CTDSP2: variants seen among roughly 807,000 people sequenced by gnomAD.
The protein encoded by CTDSP2 is carboxy-terminal domain RNA polymerase II polypeptide A small phosphatase 2.
CTDSP2 carries 9 observed loss-of-function variants against 31.6 expected under a neutral mutation model. The ratio of observed to expected loss-of-function variants is 0.28; its 90% confidence interval spans 0.17 to 0.50. The LOEUF is 0.50. Among genes scored for constraint, CTDSP2 ranks in the 20% least tolerant of loss-of-function variants. The pLI is 0.98. For synonymous variants in CTDSP2, 134 were observed against 134.5 expected (o/e 1.00, Z 0.03); for missense variants, 267 against 348.5 (o/e 0.77, Z 1.86).
In CTDSP2 at chr12:57,822,966, C is replaced by T. The variant is rs1027168374; in HGVS notation, c.*636G>A. On this transcript the variant is annotated 3_prime_UTR_variant, in exon 8 of 8. Coordinates refer to ENST00000398073, the MANE Select transcript of CTDSP2 (RefSeq NM_005730.4). The stretch of plus-strand genomic sequence containing the variant: ...AGCCTTGGGGAGACATAGAAAAGGC[C>T]TATCCCAGGCACTCAGCCGGAGGCA... 1.3e-5 allele frequency: 2 copies of T among 153,542 alleles called. No homozygotes were observed. Among genetic ancestry groups the T allele is most frequent in the Non-Finnish European group, 2.9e-5 (2 of 68,698 alleles). 9.5% of individuals were successfully genotyped at this position (153,542 alleles called of 1,614,324 possible).
intron 1 of CTDSP2, among the ~76,000 whole-genome samples, chr12:57,840,063 C>T (rs1266977640): frequency 6.6e-6 from 1 of 152,190 alleles, no homozygotes; most frequent in African/African-American, 2.4e-5. Flanking sequence ...AACGGGACCA[C>T]CAAGAGGAAT....
intron 1 of CTDSP2, chr12:57,842,508 T>C (rs1040555191): frequency 6.6e-6 from 1 of 152,254 alleles, no homozygotes; most frequent in Non-Finnish European, 1.5e-5. Flanking sequence ...GCAAGTCAAC[T>C]GCAAACCCCC....
Position 57,822,402 on chromosome 12 carries a change from A to G in CTDSP2, c.*1200T>C, listed in dbSNP as rs542713461. 1 of 152,316 alleles carries G rather than the reference A, an allele frequency of 6.6e-6. No individual in the cohort carries two copies. Among genetic ancestry groups the G allele is most frequent in the South Asian group, 2.1e-4 (1 of 4,814 alleles). 9.4% of individuals were successfully genotyped at this position (152,316 alleles called of 1,614,324 possible). Reference sequence around the variant, plus strand: ...CATTAGGCTGGCAAATGGCAAGAACACTCATTCCCCCTCAGCCCAGGAAGA... The same window carrying G: ...CATTAGGCTGGCAAATGGCAAGAACGCTCATTCCCCCTCAGCCCAGGAAGA... On this transcript the variant is annotated 3_prime_UTR_variant, in exon 8 of 8. Coordinates refer to ENST00000398073, the MANE Select transcript of CTDSP2 (RefSeq NM_005730.4).
intron 1 of CTDSP2, among the ~76,000 whole-genome samples, chr12:57,836,753 G>T (rs1479719240): frequency 1.3e-5 from 2 of 152,144 alleles, no homozygotes; most frequent in Non-Finnish European, 2.9e-5. Context: ...TGAAAGTCAG[G>T]TCCAGATACC....
chr12:57,835,594 T>C (rs10783850), intron 1 of CTDSP2, among the ~76,000 whole-genome samples: 42,907 of 152,142 alleles, frequency 0.28, 7,857 homozygotes, highest in East Asian at 0.74. Context: ...CCTCCTCTTC[T>C]GCCCAGATGC....
intron 5 of CTDSP2, 72 bp downstream of exon 5, chr12:57,826,274 A>ACC: frequency 7.6e-7 from 1 of 1,310,088 alleles, no homozygotes; most frequent in Non-Finnish European, 1.1e-6. Flanking sequence ...TGGGTGGAGG[A>ACC]CCCCAGTACA....
chr12:57,844,838 TTCTCAGGGCAGGCTTATTTAAAG>T (rs1956304233), intron 1 of CTDSP2, among the ~76,000 whole-genome samples: 2 of 151,736 alleles, frequency 1.3e-5, no homozygotes, highest in Admixed American at 1.3e-4. Context: ...AGGCCATCCC[TTCTCAGGGCAGGCTTATTTAAAG>T]TCCGGCCAGT....
Position 57,823,915 on chromosome 12 carries a change from G to C in CTDSP2, c.679C>G (p.Pro227Ala). The change falls in exon 7 of 8, where the codon CCC becomes GCC. Residue 227 changes from proline to alanine, a missense_variant. Physicochemically the swap from Pro to Ala is conservative, Grantham distance 27. Around this residue, in one of 2 missense-constraint regions of CTDSP2, gnomAD observed 156 missense variants for 241.3 expected, o/e 0.65. Coordinates refer to ENST00000398073, the MANE Select transcript of CTDSP2 (RefSeq NM_005730.4). ...TCAGGAGCACTCACTGCATTCTCGG[G>C]GTGGAATATGTAAGAAGCAGGCGAG... ...DNSPASYIFH[P>A]ENAVPVQSWF... is the part of the protein sequence containing the mutation. The C allele has an allele frequency of 6.2e-7, 1 of 1,614,038 alleles. No individual in the cohort carries two copies.
intron 7 of CTDSP2, 56 bp from the exon 8 acceptor site, chr12:57,823,783 C>G: frequency 4.3e-6 from 7 of 1,611,712 alleles, no homozygotes; most frequent in Non-Finnish European, 5.9e-6. Flanking sequence ...CCCTCCCTCG[C>G]CCCAGAGCCC....
At position 57,820,870 on chromosome 12, in the gene CTDSP2, T is replaced by A. The variant is rs567130480; in HGVS notation, c.*2732A>T. On this transcript the variant is annotated 3_prime_UTR_variant, in exon 8 of 8. Transcript: ENST00000398073. The stretch of plus-strand genomic sequence containing the variant: ...TAGAAGCCCAATCAGAGAGACACAC[T>A]GTGTCCCTGAAGAGGCACCTTAAAA... The A allele has an allele frequency of 4.2e-3, 633 of 152,326 alleles. 5 individuals carry two copies. Among genetic ancestry groups the A allele is most frequent in the Non-Finnish European group, 7.0e-3 (478 of 68,038 alleles). 9.4% of individuals were successfully genotyped at this position (152,326 alleles called of 1,614,324 possible). A position where few individuals can be genotyped will look rare whatever the true frequency, so the allele number is the denominator to read the frequency against.
chr12:57,823,441 C>T lies in CTDSP2; in HGVS notation c.*161G>A, dbSNP rs1008629343. On this transcript the variant is annotated 3_prime_UTR_variant, in exon 8 of 8. Transcript: ENST00000398073. Reference sequence around the variant, plus strand: ...GGGTATCATTGGTCTGGCATTCGCCCACTCGGCATCTAAGCTGTCCTAAAG... The same window carrying T: ...GGGTATCATTGGTCTGGCATTCGCCTACTCGGCATCTAAGCTGTCCTAAAG... 5.3e-6 allele frequency: 4 copies of T among 761,126 alleles called. No homozygotes were observed. Among genetic ancestry groups the T allele is most frequent in the South Asian group, 3.6e-5 (2 of 55,270 alleles). 47.1% of individuals were successfully genotyped at this position (761,126 alleles called of 1,614,324 possible). A position where few individuals can be genotyped will look rare whatever the true frequency, so the allele number is the denominator to read the frequency against.
Position 57,820,003 on chromosome 12 carries a change from C to T in CTDSP2, c.*3599G>A, listed in dbSNP as rs1335890092. 1 of 152,638 alleles carries T rather than the reference C, an allele frequency of 6.6e-6. No homozygotes were observed. Among genetic ancestry groups the T allele is most frequent in the African/African-American group, 2.4e-5 (1 of 41,452 alleles). The allele number at this position is 152,638 out of a possible 1,614,324, so 9.5% of individuals were successfully genotyped here. A position where few individuals can be genotyped will look rare whatever the true frequency, so the allele number is the denominator to read the frequency against. Reference sequence around the variant, plus strand: ...CAAATATTCCAAAAATATAAACAGACACTTAATGGCGTCCTGCATTTCAAG... The same window carrying T: ...CAAATATTCCAAAAATATAAACAGATACTTAATGGCGTCCTGCATTTCAAG... On this transcript the variant is annotated 3_prime_UTR_variant, in exon 8 of 8. Transcript: ENST00000398073.
chr12:57,834,898 G>A (rs921974526), intron 1 of CTDSP2, among the ~76,000 whole-genome samples: 24 of 152,112 alleles, frequency 1.6e-4, no homozygotes, highest in African/African-American at 5.1e-4. Flanking sequence ...CGAGGCGGGC[G>A]GATCACCTGA....
chr12:57,828,969 G>T (rs1956199366), intron 2 of CTDSP2, among the ~76,000 whole-genome samples: 1 of 152,232 alleles, frequency 6.6e-6, no homozygotes, highest in Non-Finnish European at 1.5e-5. Context: ...TGTAACTCAG[G>T]TAACTTGGAA....
chr12:57,825,516 G>GT (rs1329223380), intron 5 of CTDSP2, among the ~76,000 whole-genome samples: 13 of 152,188 alleles, frequency 8.5e-5, no homozygotes, highest in Non-Finnish European at 1.9e-4. Context: ...TTCTACAAGG[G>GT]TTTAGCACAT....
At chr12:57,836,033 T>G (rs1956245475) in intron 1 of CTDSP2, among the ~76,000 whole-genome samples, 1 of 152,146 alleles carries the variant, frequency 6.6e-6, no homozygotes, top group African/African-American at 2.4e-5. Flanking sequence ...CAAGGGGAGA[T>G]GACCACTAAA....
intron 4 of CTDSP2, 116 bp from the exon 5 acceptor site, chr12:57,826,518 G>T: frequency 1.1e-6 from 1 of 923,532 alleles, no homozygotes; most frequent in East Asian, 2.6e-5. Context: ...AAGTGCCTCT[G>T]GCCACCTCAT....
rs746850735 is a variant in CTDSP2 at position 57,823,887 on chromosome 12, G to C, written c.690+17C>G. 3 of 1,613,102 alleles carry C rather than the reference G, an allele frequency of 1.9e-6. No homozygotes were observed. The highest frequency in any genetic ancestry group is 2.5e-6 in the Non-Finnish European group (3 of 1,179,444). ...CTCTCCCAATCCCTACCGTGGAGAC[G>C]CATCAGGAGCACTCACTGCATTCTC... On this transcript the variant is annotated intron_variant, in intron 7 of 7. Coordinates refer to ENST00000398073, the MANE Select transcript of CTDSP2 (RefSeq NM_005730.4).
intron 1 of CTDSP2, among the ~76,000 whole-genome samples, chr12:57,831,168 C>T (rs1956213404): frequency 6.7e-6 from 1 of 148,790 alleles, no homozygotes; most frequent in African/African-American, 2.5e-5. Flanking sequence ...TTAAGAATAT[C>T]TTTTGTGCTG....
Sources: gnomAD v4.1 joint callset for allele counts (sites outside exome capture counted in the v4.1 genomes callset) on GRCh38, gnomAD v4.1.1 for gene constraint, gnomAD v4.1.1 regional missense constraint, MANE v1.5 for transcripts, NCBI Gene and HGNC (gene_info 2026-07-23, HGNC 2026-07-21) for gene names.